GALNT9: variants seen among roughly 807,000 people sequenced by gnomAD.
GALNT9 encodes polypeptide N-acetylgalactosaminyltransferase 9.
GALNT9 carries 47 observed loss-of-function variants against 63.1 expected under a neutral mutation model. The observed-to-expected ratio is 0.75, with a 90% confidence interval of 0.59 to 0.95. GALNT9 has a LOEUF of 0.95. GALNT9 is among the 40% of genes least tolerant of loss of function. The probability of loss-of-function intolerance (pLI) is 0.00; values close to 1 mark genes in which losing one functional copy is unlikely to be tolerated. For missense variants in GALNT9, 829 were observed against 874.8 expected (o/e 0.95, Z 0.66); for synonymous variants, 396 against 365.7 (o/e 1.08, Z -0.94).
rs1172509246 is a variant in GALNT9, at chr12:132,196,874, T to A, written c.*233A>T. 12 of 1,363,102 alleles carry A rather than the reference T, an allele frequency of 8.8e-6. No homozygotes were observed. Among genetic ancestry groups the A allele is most frequent in the African/African-American group, 1.5e-5 (1 of 67,526 alleles). 84.4% of individuals were successfully genotyped at this position (1,363,102 alleles called of 1,614,324 possible). ...GCACGTGTTTGAGTTGGCATCACTG[T>A]CCCCAGACGCCCTCCCTCGGGTAGA... On this transcript the variant is annotated 3_prime_UTR_variant, in exon 11 of 11. Coordinates refer to ENST00000328957, the MANE Select transcript of GALNT9 (RefSeq NM_001122636.2).
chr12:132,215,841 C>G (rs934942682), intron 6 of GALNT9, among the ~76,000 whole-genome samples: 5 of 151,900 alleles, frequency 3.3e-5, no homozygotes, highest in Non-Finnish European at 5.9e-5. Context: ...CTGGCCCTCC[C>G]TGACTCACAG....
chr12:132,226,611 C>T (rs1279226408), intron 6 of GALNT9, among the ~76,000 whole-genome samples: 1 of 145,962 alleles, frequency 6.9e-6, no homozygotes, highest in African/African-American at 2.6e-5. Flanking sequence ...ACCCCACACC[C>T]CACTGTATAT....
intron 5 of GALNT9, among the ~76,000 whole-genome samples, chr12:132,256,845 C>T (rs1277586049): frequency 2.0e-5 from 3 of 152,228 alleles, no homozygotes; most frequent in Non-Finnish European, 4.4e-5. Flanking sequence ...TTTCAGCCAC[C>T]CCAGTGGGCA....
At chr12:132,230,888 C>T (rs1383168013) in intron 6 of GALNT9, among the ~76,000 whole-genome samples, 1 of 152,268 alleles carries the variant, frequency 6.6e-6, no homozygotes, top group Non-Finnish European at 1.5e-5. Flanking sequence ...TCCCAACCTC[C>T]ATTCGGGACG....
chr12:132,289,421 C>G (rs1555242492), intron 1 of GALNT9, among the ~76,000 whole-genome samples: 1 of 152,222 alleles, frequency 6.6e-6, no homozygotes, highest in African/African-American at 2.4e-5. Flanking sequence ...GAATGGCAAA[C>G]TGGTTTTACT....
chr12:132,239,813 G>A (rs1403691801), intron 6 of GALNT9, among the ~76,000 whole-genome samples: 6 of 152,096 alleles, frequency 3.9e-5, no homozygotes, highest in Non-Finnish European at 7.3e-5. Context: ...CAGAGATAAA[G>A]AGACACAGAA....
chr12:132,227,949 GC>G (rs1418531308), intron 6 of GALNT9, among the ~76,000 whole-genome samples: 5 of 152,134 alleles, frequency 3.3e-5, no homozygotes, highest in Non-Finnish European at 5.9e-5. Context: ...CCTCCCTGCA[GC>G]CTGGAGGCCT....
Position 132,196,859 on chromosome 12 carries a change from G to C in GALNT9, c.*248C>G. The C allele has an allele frequency of 7.5e-7, 1 of 1,332,312 alleles. No individual in the cohort carries two copies. Among genetic ancestry groups the C allele is most frequent in the Non-Finnish European group, 9.6e-7 (1 of 1,039,148 alleles). The allele number at this position is 1,332,312 out of a possible 1,614,324, so 82.5% of individuals were successfully genotyped here. On this transcript the variant is annotated 3_prime_UTR_variant, in exon 11 of 11. Coordinates refer to ENST00000328957, the MANE Select transcript of GALNT9 (RefSeq NM_001122636.2). ...GATACCGTGGAGAAGGCACGTGTTTGAGTTGGCATCACTGTCCCCAGACGC... is the reference window on the plus strand; with the variant it reads ...GATACCGTGGAGAAGGCACGTGTTTCAGTTGGCATCACTGTCCCCAGACGC...
chr12:132,257,129 G>T (rs1879151023), intron 5 of GALNT9, among the ~76,000 whole-genome samples: 1 of 152,172 alleles, frequency 6.6e-6, no homozygotes, highest in African/African-American at 2.4e-5. Context: ...CAAAAACTGT[G>T]GGAGGTGCCT....
At chr12:132,318,097 C>A (rs1555245846) in intron 1 of GALNT9, among the ~76,000 whole-genome samples, 1 of 152,142 alleles carries the variant, frequency 6.6e-6, no homozygotes, top group Non-Finnish European at 1.5e-5. Flanking sequence ...CAAAAATTAG[C>A]CGGGCATGGT....
rs1372748069 is a variant in GALNT9 at position 132,197,043 on chromosome 12, C to T, written c.*64G>A. The T allele has an allele frequency of 6.3e-7, 1 of 1,592,616 alleles. No individual in the cohort carries two copies. Among genetic ancestry groups the T allele is most frequent in the Non-Finnish European group, 8.6e-7 (1 of 1,167,130 alleles). On this transcript the variant is annotated 3_prime_UTR_variant, in exon 11 of 11. Coordinates refer to ENST00000328957, the MANE Select transcript of GALNT9 (RefSeq NM_001122636.2). Reference sequence around the variant, plus strand: ...GTGTCTGCCGGGCACACCCCGGTCACTCAGCCACACTGGCTCGGCCCAGCG... The same window carrying T: ...GTGTCTGCCGGGCACACCCCGGTCATTCAGCCACACTGGCTCGGCCCAGCG...
In GALNT9 at chr12:132,262,628, G is replaced by A; in HGVS notation, c.420-3C>T. The stretch of plus-strand genomic sequence containing the variant: ...GGGCGTAGCTCATCTGTCTGCACCT[G>A]CAGGAAACACGGTTTGGGGTGCGGT... On this transcript the variant is annotated splice_region_variant and splice_polypyrimidine_tract_variant and intron_variant, in intron 2 of 10. Transcript: ENST00000328957. 6.5e-7 allele frequency: 1 copy of A among 1,543,066 alleles called. No homozygotes were observed.
intron 1 of GALNT9, among the ~76,000 whole-genome samples, chr12:132,293,433 A>G (rs1555242957): frequency 1.3e-5 from 2 of 152,104 alleles, no homozygotes; most frequent in African/African-American, 4.8e-5. Flanking sequence ...TTTAATACCT[A>G]TTGACGATTC....
At chr12:132,281,333 G>C (rs969058739) in intron 2 of GALNT9, among the ~76,000 whole-genome samples, 1 of 152,220 alleles carries the variant, frequency 6.6e-6, no homozygotes, top group Non-Finnish European at 1.5e-5. Context: ...GGCAGGGCTC[G>C]TGAGGGGCAG....
rs1485473114 is a variant in GALNT9, at chr12:132,223,016, A to G, written c.1078-19326T>C. 8.3e-5 allele frequency among the ~76,000 whole-genome samples: 5 copies of G among 60,600 alleles called. No individual in the cohort carries two copies. The South Asian group carries it at 3.0e-3, about 36-fold the overall frequency. 39.8% of individuals were successfully genotyped at this position (60,600 alleles called of 152,430 possible). A position where few individuals can be genotyped will look rare whatever the true frequency, so the allele number is the denominator to read the frequency against. Reference sequence around the variant, plus strand: ...CCCACATACACCCCACACAACCCACACCCTACACAACCCGTACCCCACACA... The same window carrying G: ...CCCACATACACCCCACACAACCCACGCCCTACACAACCCGTACCCCACACA... On this transcript the variant is annotated intron_variant, in intron 6 of 10. Coordinates refer to ENST00000328957, the MANE Select transcript of GALNT9 (RefSeq NM_001122636.2).
chr12:132,275,010 C>T (rs1880025941), intron 2 of GALNT9: 1 of 152,362 alleles, frequency 6.6e-6, no homozygotes, highest in Non-Finnish European at 1.5e-5. Flanking sequence ...TTGTCACCAA[C>T]TCACTTCTAA....
chr12:132,235,749 C>A (rs1877982685), intron 6 of GALNT9, among the ~76,000 whole-genome samples: 2 of 98,956 alleles, frequency 2.0e-5, no homozygotes, highest in Non-Finnish European at 4.0e-5. Context: ...GTGAGTTCAA[C>A]CCTCGGGACA....
chr12:132,248,270 G>A (rs1168058568), intron 5 of GALNT9, among the ~76,000 whole-genome samples: 4 of 152,240 alleles, frequency 2.6e-5, no homozygotes, highest in Non-Finnish European at 5.9e-5. Context: ...AATGCCAACA[G>A]ATGACAGAAC....
At chr12:132,306,735 T>C (rs1176635217) in intron 1 of GALNT9, among the ~76,000 whole-genome samples, 1 of 152,126 alleles carries the variant, frequency 6.6e-6, no homozygotes, top group Non-Finnish European at 1.5e-5. Context: ...CAGCTTCCTT[T>C]CGAGATTCAG....
Sources: allele counts gnomAD v4.1 joint callset (sites outside exome capture counted in the v4.1 genomes callset), GRCh38; gene constraint gnomAD v4.1.1; transcripts MANE v1.5; gene names NCBI Gene and HGNC (gene_info 2026-07-23, HGNC 2026-07-21).